Variants in OR14A2 observed in about 807,000 individuals in gnomAD.
OR14A2 encodes the protein olfactory receptor 14A2.
For synonymous variants in OR14A2, 114 were observed against 58.6 expected (o/e 1.95, Z -4.32); for missense variants, 237 against 152.9 (o/e 1.55, Z -2.90).
chr1:247,735,112 G>A, the OR14A2 span, among the ~76,000 whole-genome samples: 1 of 152,136 alleles, frequency 6.6e-6, no homozygotes, highest in Non-Finnish European at 1.5e-5. Context: ...TTGAAAATTC[G>A]GTGCTCTTGG....
At chr1:247,734,873 G>A in the OR14A2 span, among the ~76,000 whole-genome samples, 1 of 152,122 alleles carries the variant, frequency 6.6e-6, no homozygotes, top group Non-Finnish European at 1.5e-5. Flanking sequence ...GTCCCCACCA[G>A]GATATCTAGA....
the OR14A2 span, chr1:247,746,158 A>T: frequency 6.6e-6 from 1 of 152,154 alleles, no homozygotes; most frequent in Admixed American, 6.5e-5. Flanking sequence ...TTGCAACCCT[A>T]GTTGGATGTC....
the OR14A2 span, among the ~76,000 whole-genome samples, chr1:247,733,063 CCT>C: frequency 6.6e-6 from 1 of 152,086 alleles, no homozygotes; most frequent in South Asian, 2.1e-4. Flanking sequence ...ACGAGGTCCC[CCT>C]GAGACTGCGG....
the OR14A2 span, among the ~76,000 whole-genome samples, chr1:247,737,802 CTGAA>C: frequency 6.6e-6 from 1 of 152,138 alleles, no homozygotes; most frequent in Admixed American, 6.5e-5. Context: ...ATGACAATCT[CTGAA>C]TGTCTATCAC....
chr1:247,731,491 T>TACAGA, the OR14A2 span, among the ~76,000 whole-genome samples: 1 of 152,108 alleles, frequency 6.6e-6, no homozygotes, highest in Non-Finnish European at 1.5e-5. Context: ...TTTTAGCACC[T>TACAGA]TGTACCTACA....
chr1:247,744,503 C>A, the OR14A2 span, among the ~76,000 whole-genome samples: 1 of 152,018 alleles, frequency 6.6e-6, no homozygotes, highest in African/African-American at 2.4e-5. This position sits in a 1 kb window ranked among gnomAD's most constrained non-coding sequence, Gnocchi z 4.3. Context: ...TGGTTAGGGT[C>A]GAATTCTCTG....
At chr1:247,731,492 T>TTTTTA in the OR14A2 span, among the ~76,000 whole-genome samples, 1 of 152,094 alleles carries the variant, frequency 6.6e-6, no homozygotes, top group Non-Finnish European at 1.5e-5. Context: ...TTTAGCACCT[T>TTTTTA]GTACCTACAG....
the OR14A2 span, among the ~76,000 whole-genome samples, chr1:247,736,459 C>T: frequency 2.0e-5 from 3 of 152,012 alleles, no homozygotes; most frequent in Non-Finnish European, 4.4e-5. Flanking sequence ...TATAATGAGG[C>T]AAAGCTTTAT....
chr1:247,738,033 TAAAG>T, the OR14A2 span, among the ~76,000 whole-genome samples: 1 of 152,028 alleles, frequency 6.6e-6, no homozygotes, highest in Non-Finnish European at 1.5e-5. Flanking sequence ...GTATATGGAC[TAAAG>T]AAAGAAAAAA....
At chr1:247,738,956 T>C in the OR14A2 span, 1 of 780,602 alleles carries the variant, frequency 1.3e-6, no homozygotes, top group Non-Finnish European at 2.4e-6. Context: ...GCATCCTTAC[T>C]GCCATGTCCT....
At chr1:247,740,442 T>C in the OR14A2 span, among the ~76,000 whole-genome samples, 1 of 152,248 alleles carries the variant, frequency 6.6e-6, no homozygotes, top group Non-Finnish European at 1.5e-5. Flanking sequence ...TTTATACAAT[T>C]ACCCAAACAC....
At chr1:247,747,916 A>G in the OR14A2 span, among the ~76,000 whole-genome samples, 1 of 152,096 alleles carries the variant, frequency 6.6e-6, no homozygotes, top group African/African-American at 2.4e-5. Flanking sequence ...AAAATATCCT[A>G]TGGTTCCTGA....
the OR14A2 span, among the ~76,000 whole-genome samples, chr1:247,736,828 C>T: frequency 1.3e-5 from 2 of 152,172 alleles, no homozygotes; most frequent in African/African-American, 2.4e-5. Context: ...TGAATTAGCT[C>T]ATGTTATGAG....
chr1:247,739,604 T>G, the OR14A2 span: 14 of 717,044 alleles, frequency 2.0e-5, no homozygotes, highest in Admixed American at 4.1e-5. Context: ...GTTGTTGTTC[T>G]GCCATCCACT....
the OR14A2 span, among the ~76,000 whole-genome samples, chr1:247,738,199 G>GAA: frequency 6.6e-6 from 1 of 152,114 alleles, no homozygotes; most frequent in Non-Finnish European, 1.5e-5. Flanking sequence ...GTAGCAAGCA[G>GAA]AAATTTCATT....
the OR14A2 span, among the ~76,000 whole-genome samples, chr1:247,736,660 A>AGC: frequency 2.0e-5 from 3 of 152,120 alleles, no homozygotes; most frequent in Non-Finnish European, 4.4e-5. Context: ...TCACTCACTG[A>AGC]GCTACCCTGG....
chr1:247,739,380 G>C, the OR14A2 span: 1 of 780,776 alleles, frequency 1.3e-6, no homozygotes, highest in Non-Finnish European at 2.4e-6. Context: ...AGGTGCTGTT[G>C]CTTATTTAAA....
the OR14A2 span, among the ~76,000 whole-genome samples, chr1:247,740,659 A>G: frequency 2.1e-4 from 32 of 152,174 alleles, no homozygotes; most frequent in Non-Finnish European, 5.9e-5. Context: ...GACCTTTAAT[A>G]TTATATAACA....
At chr1:247,739,583 CTTT>C in the OR14A2 span, 1 of 749,072 alleles carries the variant, frequency 1.3e-6, no homozygotes, top group East Asian at 2.4e-5. Flanking sequence ...TGGGAAGTAA[CTTT>C]TTTTGTTGTT....
Sources: allele counts gnomAD v4.1 joint callset (sites outside exome capture counted in the v4.1 genomes callset), GRCh38; gene constraint gnomAD v4.1.1; non-coding constraint Gnocchi (gnomAD v3.1); transcripts MANE v1.5; gene names NCBI Gene and HGNC (gene_info 2026-07-23, HGNC 2026-07-21).